ZNF277: variants seen among roughly 807,000 people sequenced by gnomAD.
ZNF277 encodes the protein zinc finger protein 277.
In ZNF277, 55 loss-of-function variants were observed where a neutral mutation model predicts 60.7. That is an observed-to-expected ratio of 0.91 (90% CI 0.73 to 1.13). The LOEUF is 1.13. Ranked by LOEUF, ZNF277 falls within the 50% of genes most tolerant of loss-of-function variation. The probability of loss-of-function intolerance (pLI) is 0.00; values close to 1 mark genes in which losing one functional copy is unlikely to be tolerated. For missense variants in ZNF277, 510 were observed against 523.0 expected, an observed-to-expected ratio of 0.98 and a Z score of 0.24; for synonymous variants, 178 against 179.3, an observed-to-expected ratio of 0.99 and a Z score of 0.06.
chr7:112,266,075 A>C (rs1341223619), intron 1 of ZNF277, among the ~76,000 whole-genome samples: 1 of 152,182 alleles, frequency 6.6e-6, no homozygotes, highest in African/African-American at 2.4e-5. Flanking sequence ...AGAAGCTGTG[A>C]GTAGTATTTT....
chr7:112,294,322 C>T (rs1331528706), intron 2 of ZNF277, among the ~76,000 whole-genome samples: 2 of 152,158 alleles, frequency 1.3e-5, no homozygotes, highest in Non-Finnish European at 2.9e-5. Context: ...AATGTCCCAG[C>T]CTTTTGTAGG....
intron 1 of ZNF277, among the ~76,000 whole-genome samples, chr7:112,240,916 G>A (rs1257102200): frequency 6.6e-6 from 1 of 152,008 alleles, no homozygotes; most frequent in East Asian, 1.9e-4. Context: ...AGAAAACATT[G>A]GGGAAACTCT....
chr7:112,343,852 G>C lies in ZNF277; in HGVS notation c.*1123G>C, dbSNP rs1440777153. On this transcript the variant is annotated 3_prime_UTR_variant, in exon 12 of 12. Transcript: ENST00000361822. ...GAAGCACAAGAATCGCTTGAATCCA[G>C]GAGGCAAAAGTTGCAGTGAGCCGAG... is the stretch of plus-strand genomic sequence containing the variant. 2.7e-5 allele frequency among the ~76,000 whole-genome samples: 4 copies of C among 148,910 alleles called. No homozygotes were observed. Among genetic ancestry groups the C allele is most frequent in the Non-Finnish European group, 6.0e-5 (4 of 67,086 alleles).
chr7:112,266,874 A>G (rs1388989910), intron 1 of ZNF277, among the ~76,000 whole-genome samples: 1 of 152,192 alleles, frequency 6.6e-6, no homozygotes, highest in East Asian at 1.9e-4. Flanking sequence ...TTTTAAATAA[A>G]TCATTCCTGA....
At chr7:112,291,170 A>G (rs1426854968) in intron 2 of ZNF277, among the ~76,000 whole-genome samples, 1 of 152,188 alleles carries the variant, frequency 6.6e-6, no homozygotes, top group Non-Finnish European at 1.5e-5. Context: ...AGCTTTATTC[A>G]GTAGATAAAA....
intron 7 of ZNF277, among the ~76,000 whole-genome samples, chr7:112,334,864 C>G (rs1351584524): frequency 6.6e-6 from 1 of 152,096 alleles, no homozygotes; most frequent in Non-Finnish European, 1.5e-5. Context: ...TAACAAGCAT[C>G]TTGTTGGCAG....
intron 4 of ZNF277, among the ~76,000 whole-genome samples, chr7:112,311,401 T>C (rs1792729846): frequency 6.6e-6 from 1 of 152,158 alleles, no homozygotes; most frequent in Non-Finnish European, 1.5e-5. Context: ...AATGAAAATA[T>C]TAACTGATTT....
chr7:112,296,337 T>C (rs1584387600), intron 4 of ZNF277, 26 bp downstream of exon 4: 2 of 1,306,310 alleles, frequency 1.5e-6, no homozygotes, highest in Non-Finnish European at 2.1e-6. Flanking sequence ...AAAGGGTGAA[T>C]AGTGTCTTGA....
At chr7:112,338,818 G>A (rs1023302454) in intron 9 of ZNF277, among the ~76,000 whole-genome samples, 13 of 152,102 alleles carry the variant, frequency 8.5e-5, no homozygotes, top group African/African-American at 1.2e-4. Flanking sequence ...TTACCTTTTC[G>A]GCATCCTTGA....
chr7:112,296,660 T>C (rs1792341556), intron 4 of ZNF277, among the ~76,000 whole-genome samples: 1 of 151,572 alleles, frequency 6.6e-6, no homozygotes, highest in African/African-American at 2.4e-5. Context: ...TGAGTTGAAT[T>C]GATTAACCTT....
chr7:112,210,704 A>G (rs983310512), intron 1 of ZNF277, among the ~76,000 whole-genome samples: 3 of 151,566 alleles, frequency 2.0e-5, no homozygotes, highest in African/African-American at 7.3e-5. Flanking sequence ...ACTCCTGACC[A>G]CAGGTGATCC....
At chr7:112,332,287 T>G (rs1406287313) in intron 7 of ZNF277, among the ~76,000 whole-genome samples, 1 of 152,226 alleles carries the variant, frequency 6.6e-6, no homozygotes, top group Non-Finnish European at 1.5e-5. Flanking sequence ...GTATTTATAT[T>G]AAATTGTTTA....
chr7:112,243,729 T>C (rs939849134), intron 1 of ZNF277, among the ~76,000 whole-genome samples: 1 of 151,966 alleles, frequency 6.6e-6, no homozygotes, highest in African/African-American at 2.4e-5. Flanking sequence ...GTACAACCAT[T>C]ATGGAAAACA....
At chr7:112,323,438 C>G (rs28566952) in intron 5 of ZNF277, among the ~76,000 whole-genome samples, 6,842 of 152,156 alleles carry the variant, frequency 0.045, 369 homozygotes, top group African/African-American at 0.13. Flanking sequence ...AAAGACAAAC[C>G]CTGTGAATGT....
intron 4 of ZNF277, among the ~76,000 whole-genome samples, chr7:112,308,100 T>C (rs1297722649): frequency 6.6e-6 from 1 of 152,060 alleles, no homozygotes; most frequent in East Asian, 1.9e-4. Context: ...AAGTTTGTCT[T>C]TGGAGTATAT....
At chr7:112,305,764 CTT>C (rs1792574436) in intron 4 of ZNF277, among the ~76,000 whole-genome samples, 1 of 152,022 alleles carries the variant, frequency 6.6e-6, no homozygotes, top group South Asian at 2.1e-4. Flanking sequence ...TCTGGTCCCT[CTT>C]TTTAATTACC....
chr7:112,306,125 T>C (rs1425069970), intron 4 of ZNF277, among the ~76,000 whole-genome samples: 1 of 152,068 alleles, frequency 6.6e-6, no homozygotes. Context: ...CTTTAATTAA[T>C]GGCTGAAAAC....
chr7:112,230,429 A>G (rs1822292647), intron 1 of ZNF277, among the ~76,000 whole-genome samples: 1 of 152,226 alleles, frequency 6.6e-6, no homozygotes, highest in Admixed American at 6.5e-5. Flanking sequence ...CCAAAATGAA[A>G]GTATATCTCA....
At chr7:112,319,136 G>A (rs1404155781) in intron 5 of ZNF277, among the ~76,000 whole-genome samples, 2 of 151,960 alleles carry the variant, frequency 1.3e-5, no homozygotes, top group African/African-American at 2.4e-5. Flanking sequence ...GTTTTTATTA[G>A]GACTTCATTA....
Sources: allele counts gnomAD v4.1 joint callset (sites outside exome capture counted in the v4.1 genomes callset), GRCh38; gene constraint gnomAD v4.1.1; transcripts MANE v1.5; gene names NCBI Gene and HGNC (gene_info 2026-07-23, HGNC 2026-07-21).